WIF1: variants seen among roughly 807,000 people sequenced by gnomAD.
The protein encoded by WIF1 is Wnt inhibitory factor 1.
WIF1 carries 35 observed loss-of-function variants against 53.5 expected under a neutral mutation model. The observed-to-expected ratio is 0.65, with a 90% confidence interval of 0.50 to 0.87. The LOEUF (loss-of-function observed/expected upper bound fraction) is 0.87, where lower values mean the gene tolerates loss of function less well. Ranked by LOEUF, WIF1 falls within the 40% of genes least tolerant of loss-of-function variation. WIF1 has a pLI of 0.00. For missense variants in WIF1, 467 were observed against 476.8 expected (o/e 0.98, Z 0.19); for synonymous variants, 171 against 170.4 (o/e 1.00, Z -0.03).
chr12:65,090,960 C>G (rs1883113101), intron 2 of WIF1, among the ~76,000 whole-genome samples: 1 of 151,966 alleles, frequency 6.6e-6, no homozygotes, highest in Non-Finnish European at 1.5e-5. Flanking sequence ...AACAGAGGGT[C>G]TCTGTAATGC....
chr12:65,079,531 T>C (rs950320528), intron 2 of WIF1, among the ~76,000 whole-genome samples: 2 of 151,180 alleles, frequency 1.3e-5, no homozygotes, highest in Admixed American at 1.3e-4. Flanking sequence ...CCCTCAGTTA[T>C]CAGCTTCCAG....
chr12:65,060,172 G>A (rs528039095), intron 7 of WIF1, among the ~76,000 whole-genome samples: 4 of 152,262 alleles, frequency 2.6e-5, no homozygotes, highest in African/African-American at 4.8e-5. Flanking sequence ...TTGTCACCAC[G>A]TGACCCAGCA....
intron 2 of WIF1, among the ~76,000 whole-genome samples, chr12:65,097,195 A>G (rs1377607930): frequency 6.6e-6 from 1 of 151,940 alleles, no homozygotes; most frequent in African/African-American, 2.4e-5. Flanking sequence ...AGAATTATAC[A>G]CCAGTCAGTA....
Position 65,051,199 on chromosome 12 carries a change from G to C in WIF1, c.*150C>G. ...GTACTTAGAAAACTTAAAAGGAAGAGTAAATATCAGCTCAGTGATTTATAA... is the reference window on the plus strand; with the variant it reads ...GTACTTAGAAAACTTAAAAGGAAGACTAAATATCAGCTCAGTGATTTATAA... On this transcript the variant is annotated 3_prime_UTR_variant, in exon 10 of 10. Coordinates refer to ENST00000286574, the MANE Select transcript of WIF1 (RefSeq NM_007191.5). 9.8e-7 allele frequency: 1 copy of C among 1,022,970 alleles called. No individual in the cohort carries two copies. Among genetic ancestry groups the C allele is most frequent in the Non-Finnish European group, 1.3e-6 (1 of 748,004 alleles). 63.4% of individuals were successfully genotyped at this position (1,022,970 alleles called of 1,614,324 possible). A position where few individuals can be genotyped will look rare whatever the true frequency, so the allele number is the denominator to read the frequency against.
At chr12:65,106,675 G>A (rs1490136570) in intron 2 of WIF1, among the ~76,000 whole-genome samples, 2 of 152,160 alleles carry the variant, frequency 1.3e-5, no homozygotes, top group Non-Finnish European at 2.9e-5. Flanking sequence ...CCAACTTAAT[G>A]AGCTCCCTGC....
intron 2 of WIF1, among the ~76,000 whole-genome samples, chr12:65,113,988 G>A (rs1255812840): frequency 6.6e-6 from 1 of 151,940 alleles, no homozygotes; most frequent in Non-Finnish European, 1.5e-5. Context: ...AAACCACTTG[G>A]GTCATAACTA....
Position 65,066,710 on chromosome 12 carries a change from C to A in WIF1, c.661G>T (p.Gly221Cys), listed in dbSNP as rs770206548. 1 of 1,609,654 alleles carries A rather than the reference C, an allele frequency of 6.2e-7. No individual in the cohort carries two copies. Among genetic ancestry groups the A allele is most frequent in the Admixed American group, 1.7e-5 (1 of 59,554 alleles). ...KALCTPRCMN[G>C]GLCVTPGFCI... ...AAACCAGGAGTCACACAAAGTCCAC[C>A]ATTCATACATCGTGGGGTACAAAGG... The change falls in exon 6 of 10, where the codon GGT (glycine) becomes TGT (cysteine). Residue 221 changes from glycine to cysteine, a missense_variant. Physicochemically the swap from Gly to Cys is radical, Grantham distance 159. Coordinates refer to ENST00000286574, the MANE Select transcript of WIF1 (RefSeq NM_007191.5).
intron 6 of WIF1, among the ~76,000 whole-genome samples, chr12:65,063,454 C>G (rs570563925): frequency 6.6e-6 from 1 of 152,094 alleles, no homozygotes; most frequent in Non-Finnish European, 1.5e-5. Context: ...CCCATTTGTT[C>G]TTGTCCCATA....
intron 2 of WIF1, chr12:65,095,775 A>C (rs1015887519): frequency 3.3e-5 from 5 of 152,224 alleles, no homozygotes; most frequent in Admixed American, 2.0e-4. Context: ...CACATATACT[A>C]AAATTGAAAC....
intron 2 of WIF1, among the ~76,000 whole-genome samples, chr12:65,091,577 A>G (rs1883123890): frequency 6.6e-6 from 1 of 152,088 alleles, no homozygotes; most frequent in South Asian, 2.1e-4. Context: ...CAGTTTGAAT[A>G]AAAAGAAATC....
chr12:65,076,081 T>C (rs1882856556), intron 3 of WIF1, among the ~76,000 whole-genome samples: 1 of 152,172 alleles, frequency 6.6e-6, no homozygotes, highest in Non-Finnish European at 1.5e-5. Flanking sequence ...TCTGTTGCCC[T>C]GGCTGGAGTG....
At chr12:65,100,443 T>G (rs1245577900) in intron 2 of WIF1, among the ~76,000 whole-genome samples, 2 of 152,080 alleles carry the variant, frequency 1.3e-5, no homozygotes, top group Non-Finnish European at 2.9e-5. Context: ...TTGGAAAGCT[T>G]CATTTGGAGG....
intron 2 of WIF1, among the ~76,000 whole-genome samples, chr12:65,115,851 T>A (rs183354504): frequency 4.6e-5 from 7 of 152,174 alleles, no homozygotes; most frequent in Admixed American, 4.6e-4. Context: ...AAGAAATTGA[T>A]GAGAATCTGA....
chr12:65,120,042 A>C (rs1883576981), intron 2 of WIF1, among the ~76,000 whole-genome samples: 2 of 152,216 alleles, frequency 1.3e-5, no homozygotes. Context: ...TTTGTTGTAA[A>C]GTATGAAGAA....
In WIF1 at chr12:65,120,967, C is replaced by G. The variant is rs140531288; in HGVS notation, c.148+77G>C. 64 of 1,349,536 alleles carry G rather than the reference C, an allele frequency of 4.7e-5. No individual in the cohort carries two copies. In the African/African-American group the frequency reaches 8.4e-4, roughly 18 times the overall value. 83.6% of individuals were successfully genotyped at this position (1,349,536 alleles called of 1,614,324 possible). A position where few individuals can be genotyped will look rare whatever the true frequency, so the allele number is the denominator to read the frequency against. Reference sequence around the variant, plus strand: ...AAATTAAGTTTTAAAACACAAGAAACGCAGGTATCCCTCTTTCTTGAAGAG... The same window carrying G: ...AAATTAAGTTTTAAAACACAAGAAAGGCAGGTATCCCTCTTTCTTGAAGAG... On this transcript the variant is annotated intron_variant, in intron 1 of 9. Transcript: ENST00000286574.
intron 6 of WIF1, among the ~76,000 whole-genome samples, chr12:65,063,914 C>T (rs1386999349): frequency 6.6e-6 from 1 of 152,054 alleles, no homozygotes; most frequent in Non-Finnish European, 1.5e-5. Context: ...TGGAGTCTTG[C>T]TACATTGTCC....
At chr12:65,112,412 A>T (rs1019585419) in intron 2 of WIF1, among the ~76,000 whole-genome samples, 158 of 133,050 alleles carry the variant, frequency 1.2e-3, no homozygotes, top group African/African-American at 6.0e-3. Context: ...AATCACACAC[A>T]CACACACACA....
chr12:65,060,834 C>T (rs12318609), intron 7 of WIF1, among the ~76,000 whole-genome samples: 15,710 of 152,094 alleles, frequency 0.1, 926 homozygotes, highest in East Asian at 0.18. Context: ...AGGAAACTTC[C>T]GCAAAGATTT....
intron 2 of WIF1, among the ~76,000 whole-genome samples, chr12:65,090,356 A>G (rs1200926788): frequency 1.3e-5 from 2 of 152,116 alleles, no homozygotes; most frequent in Non-Finnish European, 2.9e-5. Context: ...CATTCAACAT[A>G]TATGTATGGA....
Sources: allele counts gnomAD v4.1 joint callset (sites outside exome capture counted in the v4.1 genomes callset), GRCh38; gene constraint gnomAD v4.1.1; transcripts MANE v1.5; gene names NCBI Gene and HGNC (gene_info 2026-07-23, HGNC 2026-07-21).